HDAC3: variants seen among roughly 807,000 people sequenced by gnomAD.
HDAC3 encodes the protein SMAP45.
A neutral mutation model predicts 62.3 loss-of-function variants in HDAC3; 21 were observed. The ratio of observed to expected loss-of-function variants is 0.34; its 90% CI spans 0.24 to 0.49. The LOEUF (loss-of-function observed/expected upper bound fraction) is 0.49, where lower values mean the gene tolerates loss of function less well. HDAC3 is among the 20% of genes least tolerant of loss of function. The pLI, the probability that HDAC3 is intolerant of heterozygous loss-of-function variation, is 0.99. For missense variants in HDAC3, 270 were observed against 556.9 expected (o/e 0.48, Z 5.19); for synonymous variants, 198 against 206.5 (o/e 0.96, Z 0.35).
chr5:141,624,138 G>A lies in HDAC3; in HGVS notation c.1217+1070C>T, dbSNP rs552518775. Reference sequence around the variant, plus strand: ...ATCAAAGAGCCTTAGAGAGTATTACGCAGGCAGTGACCTGTCCAGCTCAAG... The same window carrying A: ...ATCAAAGAGCCTTAGAGAGTATTACACAGGCAGTGACCTGTCCAGCTCAAG... On this transcript the variant is annotated intron_variant, in intron 14 of 14. Coordinates refer to ENST00000305264, the MANE Select transcript of HDAC3 (RefSeq NM_003883.4). 2.2e-4 allele frequency among the ~76,000 whole-genome samples: 33 copies of A among 150,696 alleles called. 1 individual carries two copies. The South Asian group carries it at 6.7e-3, about 31-fold the overall frequency.
At position 141,624,453 on chromosome 5, in the gene HDAC3, G is replaced by C. The variant is rs1443877231; in HGVS notation, c.1217+755C>G. ...ACACCTATGATTCCAGCTACTCGAG[G>C]GGCTGAGGCAGGAGGATCGCTTGAA... On this transcript the variant is annotated intron_variant, in intron 14 of 14. Coordinates refer to ENST00000305264, the MANE Select transcript of HDAC3 (RefSeq NM_003883.4). 6.1e-5 allele frequency among the ~76,000 whole-genome samples: 9 copies of C among 146,804 alleles called. No homozygotes were observed. The East Asian group carries it at 1.8e-3, about 29-fold the overall frequency.
chr5:141,626,538 A>C lies in HDAC3; in HGVS notation c.831-255T>G, dbSNP rs1472294762. 4 of 469,310 alleles carry C rather than the reference A, an allele frequency of 8.5e-6. No individual in the cohort carries two copies. Among genetic ancestry groups the C allele is most frequent in the Middle Eastern group, 6.0e-4 (1 of 1,672 alleles). The allele number at this position is 469,310 out of a possible 1,614,324, so 29.1% of individuals were successfully genotyped here. A position where few individuals can be genotyped will look rare whatever the true frequency, so the allele number is the denominator to read the frequency against. Reference sequence around the variant, plus strand: ...CTCCCTGGCACCCTGCCTGCTAATCAACTATTCTCATCAACCCAAGTTCTG... The same window carrying C: ...CTCCCTGGCACCCTGCCTGCTAATCCACTATTCTCATCAACCCAAGTTCTG... On this transcript the variant is annotated intron_variant, in intron 10 of 14. Transcript: ENST00000305264. This position sits in a 1 kb window ranked among gnomAD's most constrained non-coding sequence, Gnocchi z 4.6.
In HDAC3 at chr5:141,636,811, C is replaced by T; in HGVS notation, c.-21G>A. The T allele has an allele frequency of 7.9e-6, 12 of 1,524,686 alleles. No homozygotes were observed. Among genetic ancestry groups the T allele is most frequent in the Non-Finnish European group, 1.1e-5 (12 of 1,140,310 alleles). The allele number at this position is 1,524,686 out of a possible 1,614,324, so 94.4% of individuals were successfully genotyped here. A position where few individuals can be genotyped will look rare whatever the true frequency, so the allele number is the denominator to read the frequency against. ...GCCATGGTGCCGGCGGGAGCAGGCCCCGCACCTCCGCCGCCCGCCGCCCGC... is the reference window on the plus strand; with the variant it reads ...GCCATGGTGCCGGCGGGAGCAGGCCTCGCACCTCCGCCGCCCGCCGCCCGC... On this transcript the variant is annotated 5_prime_UTR_variant, in exon 1 of 15. Transcript: ENST00000305264.
At position 141,629,665 on chromosome 5, in the gene HDAC3, C is replaced by G; in HGVS notation, c.476+19G>C. On this transcript the variant is annotated intron_variant, in intron 6 of 14. Coordinates refer to ENST00000305264, the MANE Select transcript of HDAC3 (RefSeq NM_003883.4). The surrounding 1 kb of genome is among the most constrained non-coding windows in gnomAD (Gnocchi z 5.3). ...CCAAGAATCCCGTAACTGCCCCCAT[C>G]TCCTCCTGGGCTACTTACTTGAGCA... 6.2e-7 allele frequency: 1 copy of G among 1,613,134 alleles called. No homozygotes were observed. The highest frequency in any genetic ancestry group is 8.5e-7 in the Non-Finnish European group (1 of 1,179,676).
rs751117172 is a variant in HDAC3 at position 141,621,467 on chromosome 5, C to A, written c.*1G>T. 2.2e-5 allele frequency: 36 copies of A among 1,613,850 alleles called. No homozygotes were observed. The South Asian group carries it at 3.4e-4, about 15-fold the overall frequency. On this transcript the variant is annotated 3_prime_UTR_variant, in exon 15 of 15. Coordinates refer to ENST00000305264, the MANE Select transcript of HDAC3 (RefSeq NM_003883.4). ...TTGGGACACAGCATCCCAAGCCACT[C>A]TTAAATCTCCACATCGCTTTCCTTG... is the stretch of plus-strand genomic sequence containing the variant.
In HDAC3 at chr5:141,626,121, C is replaced by T. The variant is rs759659999; in HGVS notation, c.921-50G>A. 1.2e-6 allele frequency: 2 copies of T among 1,604,720 alleles called. No individual in the cohort carries two copies. The highest frequency in any genetic ancestry group is 2.2e-5 in the South Asian group (2 of 90,850). On this transcript the variant is annotated intron_variant, in intron 11 of 14. Coordinates refer to ENST00000305264, the MANE Select transcript of HDAC3 (RefSeq NM_003883.4). The surrounding 1 kb of genome is among the most constrained non-coding windows in gnomAD (Gnocchi z 4.6). ...CAGGCTGACCAAGTGGGCTGAAGGA[C>T]CCATGTGGCCATATCTGAGGGACAC... is the stretch of plus-strand genomic sequence containing the variant.
intron 14 of HDAC3, among the ~76,000 whole-genome samples, chr5:141,623,075 A>G (rs1364028133): frequency 1.3e-5 from 2 of 151,996 alleles, no homozygotes; most frequent in Non-Finnish European, 2.9e-5. Flanking sequence ...GTGAGCTGAG[A>G]TCATGCCATT....
intron 14 of HDAC3, among the ~76,000 whole-genome samples, chr5:141,624,372 C>CGAA (rs2099904144): frequency 4.5e-5 from 1 of 22,086 alleles, no homozygotes; most frequent in Non-Finnish European, 7.8e-5. Flanking sequence ...CCGTCTCTAC[C>CGAA]AAAAAAAAAA....
chr5:141,631,457 A>G (rs2099905210), intron 3 of HDAC3, among the ~76,000 whole-genome samples: 1 of 152,242 alleles, frequency 6.6e-6, no homozygotes, highest in South Asian at 2.1e-4. Flanking sequence ...CTTGATAGTA[A>G]ATGAATCTTT....
chr5:141,627,807 G>A lies in HDAC3; in HGVS notation c.830+86C>T, dbSNP rs773481719. 12 of 1,102,312 alleles carry A rather than the reference G, an allele frequency of 1.1e-5. No homozygotes were observed. In the Admixed American group the frequency reaches 1.9e-4, roughly 17 times the overall value. 68.3% of individuals were successfully genotyped at this position (1,102,312 alleles called of 1,614,324 possible). ...ATTTTTGATTTCCAAGAAGAGGTGA[G>A]GCCCATTCCCCAACTACCCCCACCC... On this transcript the variant is annotated intron_variant, in intron 10 of 14. Transcript: ENST00000305264.
rs1293953209 is a variant in HDAC3 at position 141,627,930 on chromosome 5, G to A, written c.793C>T (p.Arg265Ter). The change falls in exon 10 of 15, where the codon CGA (arginine) becomes TGA (stop). Residue 265 changes from arginine (R) to a stop codon, truncating the protein, a stop_gained. Transcript: ENST00000305264. LOFTEE classifies it high-confidence loss of function. ...ATGCTGAGGTTAAAGCAGCCCAATC[G>A]ATCACAGCCCAGAGAGTCAGCTCCA... ...QCGADSLGCDRLGCFNLSIRG... is the reference protein window; with the variant it reads ...QCGADSLGCD The A allele has an allele frequency of 1.2e-6, 2 of 1,613,998 alleles. No homozygotes were observed. The highest frequency in any genetic ancestry group is 1.7e-5 in the Admixed American group (1 of 59,996).
chr5:141,631,612 T>C (rs1052445279), intron 3 of HDAC3, among the ~76,000 whole-genome samples: 10 of 152,150 alleles, frequency 6.6e-5, no homozygotes, highest in Non-Finnish European at 1.5e-4. Context: ...ATGCCTAAAA[T>C]TGACAGACGA....
intron 10 of HDAC3, among the ~76,000 whole-genome samples, chr5:141,627,303 C>A (rs572843558): frequency 6.6e-6 from 1 of 152,266 alleles, no homozygotes; most frequent in South Asian, 2.1e-4. Flanking sequence ...GCCTCAAACT[C>A]CTAGCCTCAG....
At chr5:141,636,655 G>A (rs1202417597) in intron 1 of HDAC3, 25 bp from the exon 2 acceptor site, 2 of 1,613,012 alleles carry the variant, frequency 1.2e-6, no homozygotes, top group Middle Eastern at 1.7e-4. Flanking sequence ...AAGAGAGTTC[G>A]TCAGCTCTCA....
At position 141,628,309 on chromosome 5, in the gene HDAC3, T is replaced by C; in HGVS notation, c.692-122A>G. On this transcript the variant is annotated intron_variant, in intron 8 of 14. Coordinates refer to ENST00000305264, the MANE Select transcript of HDAC3 (RefSeq NM_003883.4). This position sits in a 1 kb window ranked among gnomAD's most constrained non-coding sequence, Gnocchi z 4.7. ...AAAGGGGCCACCCAAAAGAATCAAA[T>C]CACTGGTCTGAAACTTCTGGAAGGG... is the stretch of plus-strand genomic sequence containing the variant. 1.2e-6 allele frequency: 1 copy of C among 849,418 alleles called. No individual in the cohort carries two copies. The highest frequency in any genetic ancestry group is 1.9e-6 in the Non-Finnish European group (1 of 518,484). The allele number at this position is 849,418 out of a possible 1,614,324, so 52.6% of individuals were successfully genotyped here. A position where few individuals can be genotyped will look rare whatever the true frequency, so the allele number is the denominator to read the frequency against.
chr5:141,636,827 C>G lies in HDAC3; in HGVS notation c.-37G>C. On this transcript the variant is annotated 5_prime_UTR_variant, in exon 1 of 15. Transcript: ENST00000305264. Reference sequence around the variant, plus strand: ...GAGCAGGCCCCGCACCTCCGCCGCCCGCCGCCCGCGGCCGCCGCCAGCCCC... The same window carrying G: ...GAGCAGGCCCCGCACCTCCGCCGCCGGCCGCCCGCGGCCGCCGCCAGCCCC... 3 of 1,474,704 alleles carry G rather than the reference C, an allele frequency of 2.0e-6. No homozygotes were observed. Among genetic ancestry groups the G allele is most frequent in the Non-Finnish European group, 2.7e-6 (3 of 1,117,374 alleles). The allele number at this position is 1,474,704 out of a possible 1,614,324, so 91.4% of individuals were successfully genotyped here.
Position 141,625,472 on chromosome 5 carries a change from T to G in HDAC3, c.1060-107A>C. 1 of 1,318,428 alleles carries G rather than the reference T, an allele frequency of 7.6e-7. No individual in the cohort carries two copies. The highest frequency in any genetic ancestry group is 1.2e-5 in the South Asian group (1 of 83,540). The allele number at this position is 1,318,428 out of a possible 1,614,324, so 81.7% of individuals were successfully genotyped here. A position where few individuals can be genotyped will look rare whatever the true frequency, so the allele number is the denominator to read the frequency against. On this transcript the variant is annotated intron_variant, in intron 13 of 14. Coordinates refer to ENST00000305264, the MANE Select transcript of HDAC3 (RefSeq NM_003883.4). This position sits in a 1 kb window ranked among gnomAD's most constrained non-coding sequence, Gnocchi z 4.0. ...ACCATACTGGTTTTCATCTCAGTGG[T>G]ACCTCTAGTTCAGGTCCCCCAACTG...
chr5:141,625,187 C>A lies in HDAC3; in HGVS notation c.1217+21G>T. On this transcript the variant is annotated intron_variant, in intron 14 of 14. Coordinates refer to ENST00000305264, the MANE Select transcript of HDAC3 (RefSeq NM_003883.4). This position sits in a 1 kb window ranked among gnomAD's most constrained non-coding sequence, Gnocchi z 4.0. ...CCCCAGCAAGCCTATTGAAAGTAGGCTGAAGTCCCTGCTCCCAGACCTGCT... is the reference window on the plus strand; with the variant it reads ...CCCCAGCAAGCCTATTGAAAGTAGGATGAAGTCCCTGCTCCCAGACCTGCT... 6.3e-7 allele frequency: 1 copy of A among 1,584,688 alleles called. No individual in the cohort carries two copies.
In HDAC3 at chr5:141,636,817, C is replaced by G. The variant is rs376196465; in HGVS notation, c.-27G>C. 6.7e-7 allele frequency: 1 copy of G among 1,501,372 alleles called. No homozygotes were observed. The highest frequency in any genetic ancestry group is 1.5e-5 in the African/African-American group (1 of 68,642). The allele number at this position is 1,501,372 out of a possible 1,614,324, so 93.0% of individuals were successfully genotyped here. A position where few individuals can be genotyped will look rare whatever the true frequency, so the allele number is the denominator to read the frequency against. The stretch of plus-strand genomic sequence containing the variant: ...GTGCCGGCGGGAGCAGGCCCCGCAC[C>G]TCCGCCGCCCGCCGCCCGCGGCCGC... On this transcript the variant is annotated 5_prime_UTR_variant, in exon 1 of 15. Transcript: ENST00000305264.
Sources: gnomAD v4.1 joint callset for allele counts (sites outside exome capture counted in the v4.1 genomes callset) on GRCh38, gnomAD v4.1.1 for gene constraint, Gnocchi (gnomAD v3.1) non-coding constraint, MANE v1.5 for transcripts, NCBI Gene and HGNC (gene_info 2026-07-23, HGNC 2026-07-21) for gene names.